PRKN: variants seen among roughly 807,000 people sequenced by gnomAD.
PRKN encodes parkin RBR E3 ubiquitin protein ligase.
In PRKN, 56 loss-of-function variants were observed where a neutral mutation model predicts 59.5. That is an observed-to-expected ratio of 0.94 (90% CI 0.76 to 1.18). The LOEUF is 1.18. Ranked by LOEUF, PRKN falls within the 50% of genes most tolerant of loss-of-function variation. PRKN has a pLI of 0.00. For synonymous variants in PRKN, 250 were observed against 222.1 expected (o/e 1.13, Z -1.12); for missense variants, 657 against 596.4 (o/e 1.10, Z -1.06).
At chr6:162,154,979 AAC>A (rs1782441826) in intron 4 of PRKN, among the ~76,000 whole-genome samples, 1 of 151,798 alleles carries the variant, frequency 6.6e-6, no homozygotes, top group Admixed American at 6.6e-5. Context: ...CAAAAAAAAA[AAC>A]AAAAAAATTC....
At chr6:162,012,534 AT>A (rs1782771720) in intron 5 of PRKN, among the ~76,000 whole-genome samples, 1 of 152,092 alleles carries the variant, frequency 6.6e-6, no homozygotes, top group Admixed American at 6.6e-5. Flanking sequence ...TTCACTTGGG[AT>A]TTCCTGAGAA....
intron 2 of PRKN, among the ~76,000 whole-genome samples, chr6:162,424,130 T>C (rs1789109271): frequency 6.6e-6 from 1 of 152,166 alleles, no homozygotes; most frequent in South Asian, 2.1e-4. Context: ...TAAATGAAGA[T>C]TATCAAGTGA....
Position 161,517,761 on chromosome 6 carries a change from A to AAAAAAG in PRKN, c.1083+31092_1083+31093insCTTTTT, listed in dbSNP as rs1466879535. On this transcript the variant is annotated intron_variant, in intron 9 of 11. Coordinates refer to ENST00000366898, the MANE Select transcript of PRKN (RefSeq NM_004562.3). ...TCTCAAAAAAAAAAAAAAAAAAAAA[A>AAAAAAG]AAAAGAGTTGAGGTGGTAGTTGCAC... Among the ~76,000 whole-genome samples, 553 of 149,498 alleles carry AAAAAAG rather than the reference A, an allele frequency of 3.7e-3. 15 individuals are homozygous for AAAAAAG. Among genetic ancestry groups the AAAAAAG allele is most frequent in the Non-Finnish European group, 7.1e-3 (473 of 66,880 alleles).
At chr6:162,601,871 G>A (rs73595953) in intron 1 of PRKN, among the ~76,000 whole-genome samples, 2,009 of 152,200 alleles carry the variant, frequency 0.013, 47 homozygotes, top group African/African-American at 0.045. Flanking sequence ...TGAATTTATC[G>A]TATCTTTAAC....
At chr6:162,090,773 T>A (rs1186877149) in intron 4 of PRKN, among the ~76,000 whole-genome samples, 1 of 152,186 alleles carries the variant, frequency 6.6e-6, no homozygotes, top group Non-Finnish European at 1.5e-5. Context: ...ATTTCCTATC[T>A]AGAATGACAG....
chr6:161,865,660 C>A (rs555291480), intron 6 of PRKN, among the ~76,000 whole-genome samples: 1 of 152,212 alleles, frequency 6.6e-6, no homozygotes, highest in Non-Finnish European at 1.5e-5. Context: ...TTTTCTCATG[C>A]AACTTTCTCA....
chr6:161,973,166 C>T (rs958311460), intron 6 of PRKN, 136 bp downstream of exon 6: 1 of 698,742 alleles, frequency 1.4e-6, no homozygotes, highest in East Asian at 2.7e-5. Context: ...GCAGACACTC[C>T]CCAGGAAAGA....
At chr6:161,708,696 A>G (rs1786614562) in intron 7 of PRKN, among the ~76,000 whole-genome samples, 1 of 152,238 alleles carries the variant, frequency 6.6e-6, no homozygotes, top group Non-Finnish European at 1.5e-5. Context: ...ATATATCATT[A>G]GAGCAACTTT....
rs1780661231 is a variant in PRKN at position 161,566,851 on chromosome 6, G to A, written c.933+2504C>T. 6.6e-6 allele frequency among the ~76,000 whole-genome samples: 1 copy of A among 152,004 alleles called. No homozygotes were observed. The highest frequency in any genetic ancestry group is 2.4e-5 in the African/African-American group (1 of 41,370). ...TTAAAGCCAGGCACATGATCACATT[G>A]GAGCCTCTGTTGTTGCTTCATCCAC... On this transcript the variant is annotated intron_variant, in intron 8 of 11. Coordinates refer to ENST00000366898, the MANE Select transcript of PRKN (RefSeq NM_004562.3). The surrounding 1 kb of genome is among the most constrained non-coding windows in gnomAD (Gnocchi z 4.1).
In PRKN at chr6:161,525,639, G is replaced by A. The variant is rs945564732; in HGVS notation, c.1083+23215C>T. ...TCCCGGAGCCTAAGTATTAAAATAT[G>A]AACAGAGACAAGAGAACCTACCTGC... On this transcript the variant is annotated intron_variant, in intron 9 of 11. Coordinates refer to ENST00000366898, the MANE Select transcript of PRKN (RefSeq NM_004562.3). This position sits in a 1 kb window ranked among gnomAD's most constrained non-coding sequence, Gnocchi z 4.7. Among the ~76,000 whole-genome samples the A allele has an allele frequency of 3.9e-5, 6 of 152,170 alleles. No individual in the cohort carries two copies. The highest frequency in any genetic ancestry group is 1.4e-4 in the African/African-American group (6 of 41,432).
Position 161,538,284 on chromosome 6 carries a change from A to G in PRKN, c.1083+10570T>C, listed in dbSNP as rs1340201790. ...GGGCAAACAGACAGGCAAGGGTTATACATTTGACCTGGGCCTTACCCATGG... is the reference window on the plus strand; with the variant it reads ...GGGCAAACAGACAGGCAAGGGTTATGCATTTGACCTGGGCCTTACCCATGG... On this transcript the variant is annotated intron_variant, in intron 9 of 11. Coordinates refer to ENST00000366898, the MANE Select transcript of PRKN (RefSeq NM_004562.3). This position sits in a 1 kb window ranked among gnomAD's most constrained non-coding sequence, Gnocchi z 4.2. 6.6e-6 allele frequency among the ~76,000 whole-genome samples: 1 copy of G among 152,214 alleles called. No homozygotes were observed. The highest frequency in any genetic ancestry group is 6.5e-5 in the Admixed American group (1 of 15,284).
At chr6:161,661,483 C>G (rs1165774100) in intron 7 of PRKN, among the ~76,000 whole-genome samples, 1 of 152,138 alleles carries the variant, frequency 6.6e-6, no homozygotes, top group African/African-American at 2.4e-5. Flanking sequence ...AGAGGCCTTC[C>G]CTGACCACCT....
chr6:161,368,383 A>ATATATATATATATATATATATATATATG (rs1785307192), intron 10 of PRKN, among the ~76,000 whole-genome samples: 2 of 45,822 alleles, frequency 4.4e-5, no homozygotes, highest in Non-Finnish European at 8.9e-5. Flanking sequence ...CTCAGTCTTG[A>ATATATATATATATATATATATATATATG]TATATATATA....
At chr6:162,405,683 G>A (rs1022844775) in intron 2 of PRKN, among the ~76,000 whole-genome samples, 4 of 152,214 alleles carry the variant, frequency 2.6e-5, no homozygotes, top group Middle Eastern at 3.4e-3. Context: ...GTCCTTATAG[G>A]AAGGCAAGAT....
chr6:162,088,926 G>A (rs943239470), intron 4 of PRKN, among the ~76,000 whole-genome samples: 3 of 152,130 alleles, frequency 2.0e-5, no homozygotes, highest in Admixed American at 6.5e-5. Flanking sequence ...TGGATAAGAG[G>A]CCTAATGCAA....
At chr6:162,600,541 T>G (rs1781666191) in intron 1 of PRKN, among the ~76,000 whole-genome samples, 1 of 152,214 alleles carries the variant, frequency 6.6e-6, no homozygotes, top group South Asian at 2.1e-4. Flanking sequence ...TGATTTATTT[T>G]AATCACAGAT....
At position 162,056,167 on chromosome 6, in the gene PRKN, A is replaced by T. The variant is rs1282288235; in HGVS notation, c.535-1993T>A. 6.7e-6 allele frequency among the ~76,000 whole-genome samples: 1 copy of T among 150,212 alleles called. No individual in the cohort carries two copies. Among genetic ancestry groups the T allele is most frequent in the Admixed American group, 6.6e-5 (1 of 15,062 alleles). On this transcript the variant is annotated intron_variant, in intron 4 of 11. Coordinates refer to ENST00000366898, the MANE Select transcript of PRKN (RefSeq NM_004562.3). This position sits in a 1 kb window ranked among gnomAD's most constrained non-coding sequence, Gnocchi z 4.9. ...ACCACACACGCACGCACACCAAAAC[A>T]CACCACACATGCATAAACACACCAC...
chr6:162,165,770 C>T (rs1192580262), intron 4 of PRKN, among the ~76,000 whole-genome samples: 4 of 150,444 alleles, frequency 2.7e-5, no homozygotes, highest in South Asian at 2.1e-4. Context: ...GAAGTGAGGC[C>T]GAGTGTGGTG....
Position 161,458,333 on chromosome 6 carries a change from G to T in PRKN, c.1084-71456C>A, listed in dbSNP as rs1301817938. Reference sequence around the variant, plus strand: ...ATTATTAAGTAGGGGGAATTGTGAAGCACTTTCATCCAGCATCTCGGGTGC... The same window carrying T: ...ATTATTAAGTAGGGGGAATTGTGAATCACTTTCATCCAGCATCTCGGGTGC... On this transcript the variant is annotated intron_variant, in intron 9 of 11. Coordinates refer to ENST00000366898, the MANE Select transcript of PRKN (RefSeq NM_004562.3). This position sits in a 1 kb window ranked among gnomAD's most constrained non-coding sequence, Gnocchi z 6.1. 2.0e-5 allele frequency among the ~76,000 whole-genome samples: 3 copies of T among 152,112 alleles called. No homozygotes were observed. The highest frequency in any genetic ancestry group is 7.2e-5 in the African/African-American group (3 of 41,412).
Sources: gnomAD v4.1 joint callset for allele counts (sites outside exome capture counted in the v4.1 genomes callset) on GRCh38, gnomAD v4.1.1 for gene constraint, Gnocchi (gnomAD v3.1) non-coding constraint, MANE v1.5 for transcripts, NCBI Gene and HGNC (gene_info 2026-07-23, HGNC 2026-07-21) for gene names.